The following EXOC3L2 variants were observed in gnomAD, a reference collection of about 807,000 sequenced individuals.
The protein encoded by EXOC3L2 is exocyst complex component 3 like 2.
EXOC3L2 carries 17 observed loss-of-function variants against 44.4 expected under a neutral mutation model. The observed-to-expected ratio is 0.38, with a 90% CI of 0.26 to 0.57. The LOEUF (loss-of-function observed/expected upper bound fraction) is 0.57, where lower values mean the gene tolerates loss of function less well. EXOC3L2 is among the 20% of genes least tolerant of loss of function. EXOC3L2 has a pLI of 0.65. For synonymous variants in EXOC3L2, 256 were observed against 253.7 expected (o/e 1.01, Z -0.09); for missense variants, 541 against 588.4 (o/e 0.92, Z 0.83).
At position 45,238,657 on chromosome 19, in the gene EXOC3L2, G is replaced by A; in HGVS notation, c.389C>T (p.Ala130Val). The change falls in exon 2 of 12, where the codon GCC becomes GTC. Residue 130 changes from alanine (A) to valine (V), a missense_variant. By Grantham distance (64) the Ala-to-Val change is moderately conservative. Transcript: ENST00000413988. This position sits in a 1 kb window ranked among gnomAD's most constrained non-coding sequence, Gnocchi z 5.5. The stretch of plus-strand genomic sequence containing the variant: ...GGATCCACGCCCCAGTCTCAGGAAG[G>A]CCAGTCTCCGGGCGGCCTCCCCCGC... The part of the protein sequence containing the change: ...EAAGEAARRL[A>V]FLRLGRGSKP... 1 of 399,192 alleles carries A rather than the reference G, an allele frequency of 2.5e-6. No homozygotes were observed. Among genetic ancestry groups the A allele is most frequent in the Non-Finnish European group, 4.4e-6 (1 of 226,014 alleles). The allele number at this position is 399,192 out of a possible 1,614,324, so 24.7% of individuals were successfully genotyped here. A position where few individuals can be genotyped will look rare whatever the true frequency, so the allele number is the denominator to read the frequency against.
intron 1 of EXOC3L2, 58 bp from the exon 2 acceptor site, chr19:45,239,119 G>A (rs1204424828): frequency 5.1e-6 from 2 of 395,602 alleles, no homozygotes; most frequent in African/African-American, 2.2e-5. Context: ...TATGGATGAC[G>A]GTGCCTCTGT....
At chr19:45,228,837 C>T (rs946911428) in intron 4 of EXOC3L2, among the ~76,000 whole-genome samples, 5 of 150,436 alleles carry the variant, frequency 3.3e-5, no homozygotes, top group African/African-American at 7.4e-5. Context: ...TTTGGGAGGT[C>T]GAGGCGGGTG....
At chr19:45,241,065 C>T (rs1390801790) in intron 1 of EXOC3L2, among the ~76,000 whole-genome samples, 2 of 152,124 alleles carry the variant, frequency 1.3e-5, no homozygotes, top group African/African-American at 4.8e-5. Flanking sequence ...TCAGTCTGCG[C>T]TCCCTCCTTT....
intron 3 of EXOC3L2, among the ~76,000 whole-genome samples, chr19:45,232,924 A>G (rs1970046200): frequency 6.6e-6 from 1 of 152,046 alleles, no homozygotes; most frequent in Non-Finnish European, 1.5e-5. Flanking sequence ...CTAAAAATAC[A>G]AAAAAATTAG....
In EXOC3L2 at chr19:45,226,505, T is replaced by C. The variant is rs377430799; in HGVS notation, c.1583+1157A>G. Among the ~76,000 whole-genome samples the C allele has an allele frequency of 3.8e-4, 57 of 151,624 alleles. No individual in the cohort carries two copies. The East Asian group carries it at 0.01, about 28-fold the overall frequency. ...AGGCTGCAGTGCAGTGACGGGATCT[T>C]GGCTCACTGCAACCTCCACCTCCCA... On this transcript the variant is annotated intron_variant, in intron 7 of 11. Transcript: ENST00000413988.
chr19:45,217,446 C>T, intron 10 of EXOC3L2, 82 bp downstream of exon 10: 14 of 1,421,668 alleles, frequency 9.8e-6, no homozygotes, highest in Non-Finnish European at 1.3e-5. Flanking sequence ...CCCTCTCCCC[C>T]TGGCTTTTGG....
chr19:45,235,161 C>G (rs1022418605), intron 2 of EXOC3L2, among the ~76,000 whole-genome samples: 1 of 152,016 alleles, frequency 6.6e-6, no homozygotes, highest in Admixed American at 6.6e-5. Flanking sequence ...ATTAGCCAGG[C>G]GTAGTGGCGT....
At chr19:45,227,843 A>C in intron 6 of EXOC3L2, 71 bp from the exon 7 acceptor site, 1 of 1,537,904 alleles carries the variant, frequency 6.5e-7, no homozygotes, top group Non-Finnish European at 8.9e-7. Flanking sequence ...AGCCTGCCAA[A>C]GCCACCATCC....
At chr19:45,226,016 C>T (rs1452757237) in intron 7 of EXOC3L2, among the ~76,000 whole-genome samples, 1 of 152,144 alleles carries the variant, frequency 6.6e-6, no homozygotes, top group Non-Finnish European at 1.5e-5. Context: ...GAGACTTTTC[C>T]GTTAGGGCAT....
intron 9 of EXOC3L2, among the ~76,000 whole-genome samples, 156 bp downstream of exon 9, chr19:45,218,041 C>T (rs1156682417): frequency 6.6e-6 from 1 of 152,152 alleles, no homozygotes; most frequent in African/African-American, 2.4e-5. Context: ...CCTCTCCCAT[C>T]CACAGGGAGC....
chr19:45,233,989 A>C (rs1418203421), intron 3 of EXOC3L2, among the ~76,000 whole-genome samples: 6 of 152,134 alleles, frequency 3.9e-5, no homozygotes, highest in Admixed American at 3.3e-4. Flanking sequence ...CCATGGTACT[A>C]AGGTGCTGGA....
intron 7 of EXOC3L2, among the ~76,000 whole-genome samples, chr19:45,225,865 T>C (rs346762): frequency 0.12 from 17,579 of 151,868 alleles, 1,667 homozygotes; most frequent in African/African-American, 0.26. Context: ...TCAAGAGATC[T>C]GCCCACCTTG....
intron 8 of EXOC3L2, among the ~76,000 whole-genome samples, chr19:45,219,250 CT>C (rs1412929564): frequency 6.6e-6 from 1 of 151,480 alleles, no homozygotes; most frequent in African/African-American, 2.4e-5. Context: ...TAAAAATTAG[CT>C]GGGTATGGTG....
chr19:45,237,155 GC>G (rs1269322755), intron 2 of EXOC3L2, among the ~76,000 whole-genome samples: 1 of 152,016 alleles, frequency 6.6e-6, no homozygotes. Context: ...ATGAAACGGG[GC>G]TGGACCAGTT....
chr19:45,220,033 C>T (rs1018521191), intron 8 of EXOC3L2, among the ~76,000 whole-genome samples: 27 of 151,866 alleles, frequency 1.8e-4, no homozygotes, highest in Non-Finnish European at 3.8e-4. Context: ...ATTAGCTAGG[C>T]GTGATGGTGG....
chr19:45,224,659 C>T (rs1043570940), intron 8 of EXOC3L2, 119 bp downstream of exon 8: 29 of 1,394,646 alleles, frequency 2.1e-5, no homozygotes, highest in African/African-American at 3.0e-5. Flanking sequence ...GCCCCTGCCC[C>T]CCGCCCCTGT....
In EXOC3L2 at chr19:45,238,612, A is replaced by G; in HGVS notation, c.434T>C (p.Leu145Pro). The G allele has an allele frequency of 2.5e-6, 1 of 399,346 alleles. No individual in the cohort carries two copies. Among genetic ancestry groups the G allele is most frequent in the Non-Finnish European group, 4.4e-6 (1 of 226,096 alleles). The allele number at this position is 399,346 out of a possible 1,614,324, so 24.7% of individuals were successfully genotyped here. A position where few individuals can be genotyped will look rare whatever the true frequency, so the allele number is the denominator to read the frequency against. ...GCCTGCAGGCACCACTCTCTCAGCC[A>G]GGGACGCACGCTGGGGCTTGGATCC... ...GRGSKPQRAS[L>P]AERVVPAGEA... Residue 145 changes from leucine (L) to proline (P), a missense_variant, in exon 2 of 12, where the codon CTG becomes CCG. Physicochemically the swap from Leu to Pro is moderately conservative, Grantham distance 98. Transcript: ENST00000413988. The surrounding 1 kb of genome is among the most constrained non-coding windows in gnomAD (Gnocchi z 5.5).
chr19:45,226,747 CTTTTTTTTTT>C (rs957385712), intron 7 of EXOC3L2, among the ~76,000 whole-genome samples: 4 of 90,654 alleles, frequency 4.4e-5, no homozygotes, highest in East Asian at 6.5e-4. Flanking sequence ...ACTCCCATCT[CTTTTTTTTTT>C]TTTTTTTTTT....
At chr19:45,228,792 C>G (rs562387642) in intron 4 of EXOC3L2, among the ~76,000 whole-genome samples, 2 of 146,580 alleles carry the variant, frequency 1.4e-5, no homozygotes, top group African/African-American at 5.1e-5. Flanking sequence ...ATAAAATAGG[C>G]TGGGCGCGGT....
Sources: allele counts gnomAD v4.1 joint callset (sites outside exome capture counted in the v4.1 genomes callset), GRCh38; gene constraint gnomAD v4.1.1; non-coding constraint Gnocchi (gnomAD v3.1); transcripts MANE v1.5; gene names NCBI Gene and HGNC (gene_info 2026-07-23, HGNC 2026-07-21).